Variants in TRIM64C observed in about 807,000 individuals in gnomAD.
TRIM64C encodes tripartite motif containing 64C.
TRIM64C carries 25 observed loss-of-function variants against 36.1 expected under a neutral mutation model. That is an observed-to-expected ratio of 0.69 (90% CI 0.51 to 0.97). TRIM64C has a LOEUF of 0.97. TRIM64C is among the 50% of genes least tolerant of loss of function. The pLI is 0.00. For synonymous variants in TRIM64C, 212 were observed against 185.7 expected, an observed-to-expected ratio of 1.14 and a Z score of -1.15; for missense variants, 489 against 536.8, an observed-to-expected ratio of 0.91 and a Z score of 0.88.
chr11:49,056,226 T>G, intron 4 of TRIM64C, 133 bp downstream of exon 4: 1 of 682,590 alleles, frequency 1.5e-6, no homozygotes, highest in Non-Finnish European at 2.5e-6. Flanking sequence ...GAGAAGAAGA[T>G]CTCAGGCCCT....
rs2134721509 is a variant in TRIM64C, at chr11:49,057,230, A to G, written c.656T>C (p.Met219Thr). Residue 219 changes from methionine to threonine, a missense_variant, in exon 3 of 6, where the codon ATG becomes ACG. Met to Thr is a moderately conservative substitution (Grantham distance 81). Coordinates refer to ENST00000617704, the MANE Select transcript of TRIM64C (RefSeq NM_001206631.1). ...FQQLQDSQVR[M>T]TQHLEGMKDM... is the part of the protein sequence containing the mutation. ...TTTCATCCCTTCTAAATGTTGGGTC[A>G]TTCTCACTTGACTGTCTTGTAGTTG... is the stretch of plus-strand genomic sequence containing the variant. The G allele has an allele frequency of 1.3e-6, 2 of 1,549,700 alleles. No individual in the cohort carries two copies. The highest frequency in any genetic ancestry group is 8.7e-7 in the Non-Finnish European group (1 of 1,146,954).
chr11:49,058,528 A>G (rs1345380300), intron 1 of TRIM64C, among the ~76,000 whole-genome samples, 173 bp downstream of exon 1: 1 of 151,900 alleles, frequency 6.6e-6, no homozygotes, highest in African/African-American at 2.4e-5. Context: ...CAACACAGCT[A>G]TGATTAGAGT....
At position 49,058,897 on chromosome 11, in the gene TRIM64C, C is replaced by T. The variant is rs1854847515; in HGVS notation, c.216G>A (p.Lys72=). 2 of 1,550,474 alleles carry T rather than the reference C, an allele frequency of 1.3e-6. No homozygotes were observed. The highest frequency in any genetic ancestry group is 1.7e-6 in the Non-Finnish European group (2 of 1,146,910). The stretch of plus-strand genomic sequence containing the variant: ...TGGTCTGTCTGGCTAGGGAAGCCAG[C>T]TTTTTGAGTGCCACATTGGTGTTGA... ...PNFNTNVALK[K]LASLARQTRP... The change falls in exon 1 of 6, where the codon AAG becomes AAA. Residue 72 remains lysine (K), a synonymous_variant. Transcript: ENST00000617704.
At chr11:49,055,617 T>C (rs1405419128) in intron 4 of TRIM64C, among the ~76,000 whole-genome samples, 3 of 152,184 alleles carry the variant, frequency 2.0e-5, no homozygotes, top group Non-Finnish European at 2.9e-5. Context: ...TCTCCAGATA[T>C]GTTATTCTCA....
At chr11:49,054,659 A>C (rs529983104) in intron 5 of TRIM64C, among the ~76,000 whole-genome samples, 132 of 152,290 alleles carry the variant, frequency 8.7e-4, no homozygotes, top group African/African-American at 2.8e-3. Context: ...AAAGTTTATA[A>C]GTTTCTGAAA....
chr11:49,057,432 T>C, intron 2 of TRIM64C, 54 bp from the exon 3 acceptor site: 1 of 1,518,704 alleles, frequency 6.6e-7, no homozygotes, highest in Non-Finnish European at 8.9e-7. Flanking sequence ...AATAGAAAAC[T>C]TCAAATAATT....
At chr11:49,056,404 T>A (rs759305109) in intron 3 of TRIM64C, 23 bp from the exon 4 acceptor site, 2 of 1,530,060 alleles carry the variant, frequency 1.3e-6, no homozygotes, top group Admixed American at 4.0e-5. Flanking sequence ...TAAAATGTAA[T>A]GTTAATTATG....
In TRIM64C at chr11:49,058,115, T is replaced by C; in HGVS notation, c.470A>G (p.Asn157Ser). Reference protein sequence around the residue: ...LWKINQETQNNLNQETSKFCS... With the variant: ...LWKINQETQNSLNQETSKFCS... ...AAATTTGCTAGTTTCCTGATTTAGA[T>C]TGTTTTGTGTCTCTTGATTGATTTT... is the stretch of plus-strand genomic sequence containing the variant. Residue 157 changes from asparagine to serine, a missense_variant, in exon 2 of 6, where the codon AAT (asparagine) becomes AGT (serine). Physicochemically the swap from Asn to Ser is conservative, Grantham distance 46. Transcript: ENST00000617704. 1 of 1,527,980 alleles carries C rather than the reference T, an allele frequency of 6.5e-7. No individual in the cohort carries two copies. Among genetic ancestry groups the C allele is most frequent in the Non-Finnish European group, 8.7e-7 (1 of 1,144,072 alleles). The allele number at this position is 1,527,980 out of a possible 1,614,324, so 94.7% of individuals were successfully genotyped here. A position where few individuals can be genotyped will look rare whatever the true frequency, so the allele number is the denominator to read the frequency against.
At chr11:49,058,290 A>G in intron 1 of TRIM64C, 118 bp from the exon 2 acceptor site, 1 of 753,824 alleles carries the variant, frequency 1.3e-6, no homozygotes, top group Non-Finnish European at 2.1e-6. Context: ...GAGTGGTCAG[A>G]TTTTTCCAAG....
At chr11:49,055,245 G>C (rs1379636215) in intron 5 of TRIM64C, 65 bp downstream of exon 5, 1 of 1,527,054 alleles carries the variant, frequency 6.5e-7, no homozygotes, top group Non-Finnish European at 8.8e-7. Context: ...AATGGGAGAA[G>C]CCTCAACCAA....
At chr11:49,054,964 A>G (rs571626835) in intron 5 of TRIM64C, among the ~76,000 whole-genome samples, 1 of 152,370 alleles carries the variant, frequency 6.6e-6, no homozygotes, top group South Asian at 2.1e-4. Context: ...AAAAACCATT[A>G]TGCCAAATCT....
chr11:49,056,461 G>C (rs1420876154), intron 3 of TRIM64C, 80 bp from the exon 4 acceptor site: 1 of 1,152,846 alleles, frequency 8.7e-7, no homozygotes, highest in Non-Finnish European at 1.3e-6. Flanking sequence ...GTTTCTTTCT[G>C]TTTTAGTGTT....
At chr11:49,055,805 C>T (rs1205829384) in intron 4 of TRIM64C, among the ~76,000 whole-genome samples, 1 of 152,118 alleles carries the variant, frequency 6.6e-6, no homozygotes, top group Non-Finnish European at 1.5e-5. Flanking sequence ...AGAGAATGTT[C>T]GCTGAGACAA....
In TRIM64C at chr11:49,055,301, G is replaced by A. The variant is rs1854799899; in HGVS notation, c.859+9C>T. On this transcript the variant is annotated intron_variant, in intron 5 of 5. Transcript: ENST00000617704. ...TTTGAGGCTGGACTGCCAAGCAGCTGGCTCTTGCCTCTGAAGTTGTTGAGC... is the reference window on the plus strand; with the variant it reads ...TTTGAGGCTGGACTGCCAAGCAGCTAGCTCTTGCCTCTGAAGTTGTTGAGC... 3 of 1,535,726 alleles carry A rather than the reference G, an allele frequency of 2.0e-6. No individual in the cohort carries two copies. The highest frequency in any genetic ancestry group is 3.5e-4 in the Middle Eastern group (2 of 5,752).
rs1392533409 is a variant in TRIM64C at position 49,054,037 on chromosome 11, C to A, written c.1030G>T (p.Glu344Ter). Reference sequence around the variant, plus strand: ...TTGGAGGAGTGGGTCACATCCACTTCCCAGTAATGCTTGCCGGAGGTGAAT... The same window carrying A: ...TTGGAGGAGTGGGTCACATCCACTTACCAGTAATGCTTGCCGGAGGTGAAT... ...QAFTSGKHYW[E>*]VDVTHSSNWI... Residue 344 changes from glutamate to a stop codon, truncating the protein, a stop_gained, in exon 6 of 6, where the codon GAA becomes TAA. Transcript: ENST00000617704. LOFTEE classifies it low-confidence loss of function (END_TRUNC). 1 of 1,551,562 alleles carries A rather than the reference C, an allele frequency of 6.4e-7. No individual in the cohort carries two copies. The highest frequency in any genetic ancestry group is 1.2e-5 in the South Asian group (1 of 84,046).
Position 49,058,885 on chromosome 11 carries a change from T to G in TRIM64C, c.228A>C (p.Leu76=). The change falls in exon 1 of 6, where the codon CTA becomes CTC. Residue 76 remains leucine (L), a synonymous_variant. Transcript: ENST00000617704. ...TNVALKKLAS[L]ARQTRPQNIN... is the part of the protein sequence containing the mutation. ...TGTTCTGAGGTCTGGTCTGTCTGGC[T>G]AGGGAAGCCAGCTTTTTGAGTGCCA... The G allele has an allele frequency of 6.5e-7, 1 of 1,550,370 alleles. No homozygotes were observed. Among genetic ancestry groups the G allele is most frequent in the Non-Finnish European group, 8.7e-7 (1 of 1,146,940 alleles).
chr11:49,058,295 T>C (rs777635387), intron 1 of TRIM64C, 123 bp from the exon 2 acceptor site: 42 of 739,906 alleles, frequency 5.7e-5, no homozygotes, highest in Non-Finnish European at 8.0e-5. Flanking sequence ...GTCAGATTTT[T>C]CCAAGTTAAA....
chr11:49,053,819 T>A lies in TRIM64C; in HGVS notation c.1248A>T (p.Gly416=). The part of the protein sequence containing the change: ...WVGVFLDYDN[G]SVSFFDVSKG... ...TAGAAACATCAAAAAAACTCACAGA[T>A]CCATTATCATAATCCAGAAACACCC... Residue 416 remains glycine, a synonymous_variant, in exon 6 of 6, where the codon GGA becomes GGT. Transcript: ENST00000617704. The A allele has an allele frequency of 1.3e-6, 2 of 1,551,524 alleles. No homozygotes were observed. Among genetic ancestry groups the A allele is most frequent in the Non-Finnish European group, 1.7e-6 (2 of 1,146,840 alleles).
chr11:49,056,394 T>C lies in TRIM64C; in HGVS notation c.739-13A>G. ...TATTTCCCACATCCTGCAAAAAAAATAAAATGTAATGTTAATTATGAGAGA... is the reference window on the plus strand; with the variant it reads ...TATTTCCCACATCCTGCAAAAAAAACAAAATGTAATGTTAATTATGAGAGA... On this transcript the variant is annotated splice_polypyrimidine_tract_variant and intron_variant, in intron 3 of 5. Coordinates refer to ENST00000617704, the MANE Select transcript of TRIM64C (RefSeq NM_001206631.1). 2.0e-6 allele frequency: 3 copies of C among 1,530,726 alleles called. No homozygotes were observed. Among genetic ancestry groups the C allele is most frequent in the Non-Finnish European group, 2.6e-6 (3 of 1,134,026 alleles). The allele number at this position is 1,530,726 out of a possible 1,614,324, so 94.8% of individuals were successfully genotyped here.
Sources: allele counts gnomAD v4.1 joint callset (sites outside exome capture counted in the v4.1 genomes callset), GRCh38; gene constraint gnomAD v4.1.1; transcripts MANE v1.5; gene names NCBI Gene and HGNC (gene_info 2026-07-23, HGNC 2026-07-21).